DPRX: variants seen among roughly 807,000 people sequenced by gnomAD.
DPRX encodes the protein divergent paired-related homeobox.
Under a neutral mutation model 8.4 loss-of-function variants are expected in DPRX, and 11 were observed. The observed-to-expected ratio is 1.31, with a 90% confidence interval of 0.82 to 2.17. The LOEUF (loss-of-function observed/expected upper bound fraction) is 2.17, where lower values mean the gene tolerates loss of function less well. Among genes scored for constraint, DPRX ranks in the 30% most tolerant of loss-of-function variants. The pLI, the probability that DPRX is intolerant of heterozygous loss-of-function variation, is 0.00. For synonymous variants in DPRX, 72 were observed against 87.0 expected (o/e 0.83, Z 0.96); for missense variants, 211 against 236.7 (o/e 0.89, Z 0.71).
At chr19:53,611,031 AG>A in the DPRX span, among the ~76,000 whole-genome samples, 1 of 151,902 alleles carries the variant, frequency 6.6e-6, no homozygotes, top group Non-Finnish European at 1.5e-5. Flanking sequence ...GCCTCCAAGT[AG>A]CTGGGATTAC....
At chr19:53,603,033 G>GTATA in the DPRX span, among the ~76,000 whole-genome samples, 4 of 147,274 alleles carry the variant, frequency 2.7e-5, no homozygotes, top group African/African-American at 9.9e-5. Context: ...ATGTGTGTGT[G>GTATA]TGTGTATATA....
chr19:53,620,512 G>A, the DPRX span, among the ~76,000 whole-genome samples: 56 of 151,846 alleles, frequency 3.7e-4, no homozygotes, highest in Middle Eastern at 0.014. Flanking sequence ...ACAGACATGC[G>A]TCACTATGCC....
At chr19:53,632,096 T>G in exon 1 of DPRX, 3 of 1,614,028 alleles carry the variant, frequency 1.9e-6, no homozygotes, top group Non-Finnish European at 2.5e-6. Context: ...GGCGCACATC[T>G]GGATTAGAAG....
intron 1 of DPRX, among the ~76,000 whole-genome samples, chr19:53,632,614 T>C (rs1475744520): frequency 2.6e-5 from 4 of 151,968 alleles, no homozygotes; most frequent in Admixed American, 2.6e-4. Context: ...CGGCCCAAGT[T>C]TTGTATCTTT....
chr19:53,612,862 C>G, the DPRX span, among the ~76,000 whole-genome samples: 1 of 152,154 alleles, frequency 6.6e-6, no homozygotes, highest in Non-Finnish European at 1.5e-5. Context: ...AAACCTGTCT[C>G]TCTGCATTCC....
chr19:53,604,843 CAAA>C, the DPRX span, among the ~76,000 whole-genome samples: 4 of 94,592 alleles, frequency 4.2e-5, no homozygotes, highest in Non-Finnish European at 4.5e-5. Flanking sequence ...ACTCTGTCTC[CAAA>C]AAAAAAAAAA....
the DPRX span, among the ~76,000 whole-genome samples, chr19:53,604,979 C>T: frequency 6.6e-6 from 1 of 152,068 alleles, no homozygotes; most frequent in African/African-American, 2.4e-5. Flanking sequence ...GGAAATATCA[C>T]ACTGTACCCC....
chr19:53,623,827 G>A, the DPRX span, among the ~76,000 whole-genome samples: 15,964 of 149,404 alleles, frequency 0.11, 1,033 homozygotes, highest in Middle Eastern at 0.19. Flanking sequence ...GCAGGCGCCT[G>A]TAATCCCAGT....
upstream of DPRX, among the ~76,000 whole-genome samples, chr19:53,628,017 G>C (rs2091077822): frequency 1.3e-5 from 2 of 152,032 alleles, no homozygotes; most frequent in African/African-American, 4.8e-5. Context: ...GGGCGACAGA[G>C]TAAGACTCCA....
chr19:53,622,745 G>A, the DPRX span, among the ~76,000 whole-genome samples: 3 of 152,156 alleles, frequency 2.0e-5, no homozygotes, highest in Non-Finnish European at 2.9e-5. Flanking sequence ...CTTGGTGAAA[G>A]TGTTCCCTCT....
the DPRX span, among the ~76,000 whole-genome samples, chr19:53,616,383 C>T: frequency 5.3e-5 from 8 of 152,114 alleles, no homozygotes; most frequent in South Asian, 2.1e-4. Flanking sequence ...ATTAATCTTC[C>T]GTATATATAG....
At chr19:53,636,362 T>C (rs746356795) in intron 2 of DPRX, among the ~76,000 whole-genome samples, 1 of 146,732 alleles carries the variant, frequency 6.8e-6, no homozygotes, top group Admixed American at 7.0e-5. Flanking sequence ...TGAGACTCCA[T>C]CTCAAAAATA....
At chr19:53,604,472 A>G in the DPRX span, 2 of 152,704 alleles carry the variant, frequency 1.3e-5, no homozygotes, top group African/African-American at 4.8e-5. Context: ...GAGGCTCACA[A>G]GGTCACTGAA....
the DPRX span, among the ~76,000 whole-genome samples, chr19:53,602,588 C>T: frequency 2.0e-5 from 3 of 149,528 alleles, no homozygotes; most frequent in Non-Finnish European, 3.0e-5. Flanking sequence ...GGCTGAAGTG[C>T]AGTGGCGTGA....
At chr19:53,624,892 A>C in the DPRX span, among the ~76,000 whole-genome samples, 1 of 151,696 alleles carries the variant, frequency 6.6e-6, no homozygotes, top group Non-Finnish European at 1.5e-5. Flanking sequence ...AATACAAATC[A>C]GATGAGATCG....
the DPRX span, among the ~76,000 whole-genome samples, chr19:53,614,249 C>A: frequency 6.6e-6 from 1 of 152,144 alleles, no homozygotes; most frequent in Non-Finnish European, 1.5e-5. Flanking sequence ...TGCACCTGGC[C>A]TAAAAGAATC....
intron 1 of DPRX, among the ~76,000 whole-genome samples, chr19:53,633,404 C>T (rs1206626481): frequency 1.3e-5 from 2 of 152,162 alleles, no homozygotes; most frequent in East Asian, 3.9e-4. Context: ...AGAATAAAAC[C>T]ATGTCCATCC....
At chr19:53,606,499 T>C in the DPRX span, 1 of 152,142 alleles carries the variant, frequency 6.6e-6, no homozygotes, top group Non-Finnish European at 1.5e-5. The surrounding 1 kb of genome is among the most constrained non-coding windows in gnomAD (Gnocchi z 4.8). Flanking sequence ...CCATCCAATG[T>C]GGACAAAAGC....
chr19:53,604,036 G>A, the DPRX span, among the ~76,000 whole-genome samples: 1 of 151,924 alleles, frequency 6.6e-6, no homozygotes, highest in African/African-American at 2.4e-5. Flanking sequence ...GTGAGCCACC[G>A]CGCCCCGCCG....
Sources: gnomAD v4.1 joint callset for allele counts (sites outside exome capture counted in the v4.1 genomes callset) on GRCh38, gnomAD v4.1.1 for gene constraint, Gnocchi (gnomAD v3.1) non-coding constraint, MANE v1.5 for transcripts, NCBI Gene and HGNC (gene_info 2026-07-23, HGNC 2026-07-21) for gene names.